Variants in ODAD1 observed in about 807,000 individuals in gnomAD.
ODAD1 encodes the protein outer dynein arm docking complex subunit 1, also known as outer dynein arm-docking complex subunit 1.
A neutral mutation model predicts 67.2 loss-of-function variants in ODAD1; 49 were observed. The ratio of observed to expected loss-of-function variants is 0.73; its 90% CI spans 0.58 to 0.92. ODAD1 has a LOEUF of 0.92. Among genes scored for constraint, ODAD1 ranks in the 40% least tolerant of loss-of-function variants. The pLI, the probability that ODAD1 is intolerant of heterozygous loss-of-function variation, is 0.00. For missense variants in ODAD1, 897 were observed against 953.7 expected (o/e 0.94, Z 0.78); for synonymous variants, 345 against 393.7 (o/e 0.88, Z 1.46).
chr19:48,306,949 A>G (rs4802466), intron 7 of ODAD1, among the ~76,000 whole-genome samples: 118,520 of 151,878 alleles, frequency 0.78, 47,163 homozygotes, highest in African/African-American at 0.94. Context: ...TTGGGAGGCC[A>G]AGACGGGAGG....
chr19:48,315,012 G>C (rs1968861527), intron 5 of ODAD1, among the ~76,000 whole-genome samples: 1 of 152,064 alleles, frequency 6.6e-6, no homozygotes, highest in Non-Finnish European at 1.5e-5. Flanking sequence ...AAGTGTACAA[G>C]GGATGTCTCT....
intron 12 of ODAD1, among the ~76,000 whole-genome samples, chr19:48,301,746 GAC>G: frequency 6.6e-6 from 1 of 152,086 alleles, no homozygotes; most frequent in African/African-American, 2.4e-5. Context: ...TGGATGGATG[GAC>G]ATGGGACAGT....
rs201246509 is a variant in ODAD1, at chr19:48,302,820, G to T, written c.1114C>A (p.Gln372Lys). 16 of 1,613,906 alleles carry T rather than the reference G, an allele frequency of 9.9e-6. No individual in the cohort carries two copies. The South Asian group carries it at 1.6e-4, about 17-fold the overall frequency. The change falls in exon 12 of 16, where the codon CAG becomes AAG. Residue 372 changes from glutamine to lysine, a missense_variant. Physicochemically the swap from Gln to Lys is moderately conservative, Grantham distance 53. Transcript: ENST00000674294. ...TGCTGCTGCTCCTGCAGCAAATGCT[G>T]GTCATCCTTGCTGGCACGTGCGCTC... is the stretch of plus-strand genomic sequence containing the variant. ...LVSARASKDD[Q>K]HLLQEQQQKV... is the part of the protein sequence containing the mutation.
rs753921661 is a variant in ODAD1 at position 48,302,791 on chromosome 19, C to T, written c.1143G>A (p.Lys381=). ...CCTTGTCCATGCGCTGCTGCAACACCTTCTGCTGCTGCTCCTGCAGCAAAT... is the reference window on the plus strand; with the variant it reads ...CCTTGTCCATGCGCTGCTGCAACACTTTCTGCTGCTGCTCCTGCAGCAAAT... ...DQHLLQEQQQ[K]VLQQRMDKVH... The change falls in exon 12 of 16, where the codon AAG becomes AAA. Residue 381 remains lysine, a synonymous_variant. Coordinates refer to ENST00000674294, the MANE Select transcript of ODAD1 (RefSeq NM_001364171.2). The T allele has an allele frequency of 2.1e-5, 34 of 1,614,046 alleles. 3 individuals are homozygous for T. In the South Asian group the frequency reaches 3.5e-4, roughly 17 times the overall value.
intron 12 of ODAD1, among the ~76,000 whole-genome samples, chr19:48,302,032 T>C (rs572530349): frequency 1.4e-5 from 2 of 139,002 alleles, no homozygotes; most frequent in East Asian, 4.5e-4. Context: ...AGATCCTGGA[T>C]GAATGATGGA....
In ODAD1 at chr19:48,303,861, AG is replaced by A. The variant is rs1055256202; in HGVS notation, c.854-78del. 6 of 1,574,594 alleles carry A rather than the reference AG, an allele frequency of 3.8e-6. No individual in the cohort carries two copies. The African/African-American group carries it at 8.1e-5, about 21-fold the overall frequency. Reference sequence around the variant, plus strand: ...AGACCTCCTGGGTGAGGGGGAGCGAAGTGTGGTCCCACCTGGGGCACGAAGG... The same window carrying A: ...AGACCTCCTGGGTGAGGGGGAGCGAATGTGGTCCCACCTGGGGCACGAAGG... On this transcript the variant is annotated intron_variant, in intron 9 of 15. Coordinates refer to ENST00000674294, the MANE Select transcript of ODAD1 (RefSeq NM_001364171.2).
At chr19:48,305,292 A>G (rs1366994972) in intron 8 of ODAD1, among the ~76,000 whole-genome samples, 2 of 152,210 alleles carry the variant, frequency 1.3e-5, no homozygotes. Flanking sequence ...GTGTGCCTCT[A>G]TCTGAAGGTG....
At chr19:48,311,867 C>T in intron 6 of ODAD1, 127 bp downstream of exon 6, 2 of 950,894 alleles carry the variant, frequency 2.1e-6, no homozygotes, top group Non-Finnish European at 3.2e-6. Flanking sequence ...ACCTCCATCC[C>T]TCCAGAATCC....
Position 48,311,687 on chromosome 19 carries a change from GGAAGAGTGGGTCT to G in ODAD1, c.484-34_484-22del, listed in dbSNP as rs778019384. 1.6e-5 allele frequency: 22 copies of G among 1,409,696 alleles called. No individual in the cohort carries two copies. In the South Asian group the frequency reaches 2.7e-4, roughly 17 times the overall value. The allele number at this position is 1,409,696 out of a possible 1,614,324, so 87.3% of individuals were successfully genotyped here. On this transcript the variant is annotated intron_variant, in intron 6 of 15. Coordinates refer to ENST00000674294, the MANE Select transcript of ODAD1 (RefSeq NM_001364171.2). Reference sequence around the variant, plus strand: ...GTGACCTGGGAGTAGAAAGGTGGATGGAAGAGTGGGTCTGAAGCCAAGTCTGCCTGCCTCCTCC... The same window carrying G: ...GTGACCTGGGAGTAGAAAGGTGGATGGAAGCCAAGTCTGCCTGCCTCCTCC...
chr19:48,307,227 A>G (rs1968631896), intron 7 of ODAD1, among the ~76,000 whole-genome samples: 1 of 151,932 alleles, frequency 6.6e-6, no homozygotes, highest in Non-Finnish European at 1.5e-5. Context: ...GAAAGATGAA[A>G]TGAGGAATGC....
At chr19:48,319,091 C>T (rs995961056) in intron 3 of ODAD1, among the ~76,000 whole-genome samples, 1 of 152,022 alleles carries the variant, frequency 6.6e-6, no homozygotes, top group African/African-American at 2.4e-5. Flanking sequence ...CTTCTGGGAC[C>T]TGGGCACACC....
rs375058697 is a variant in ODAD1 at position 48,296,943 on chromosome 19, C to A, written c.*33G>T. 1.6e-5 allele frequency: 24 copies of A among 1,536,520 alleles called. No individual in the cohort carries two copies. The highest frequency in any genetic ancestry group is 2.8e-5 in the African/African-American group (2 of 72,232). On this transcript the variant is annotated 3_prime_UTR_variant, in exon 16 of 16. Coordinates refer to ENST00000674294, the MANE Select transcript of ODAD1 (RefSeq NM_001364171.2). ...ACACAAAAAAAGACCCCACAGAGAGCCAGGGCAGGGTGGGGGCTGCGTGCC... is the reference window on the plus strand; with the variant it reads ...ACACAAAAAAAGACCCCACAGAGAGACAGGGCAGGGTGGGGGCTGCGTGCC...
At chr19:48,303,165 C>T (rs886080122) in intron 10 of ODAD1, 70 bp from the exon 11 acceptor site, 7 of 1,196,712 alleles carry the variant, frequency 5.8e-6, no homozygotes. Context: ...AGAACAGAGA[C>T]AGAGAGGCAT....
chr19:48,304,244 G>C, intron 8 of ODAD1, 104 bp from the exon 9 acceptor site: 1 of 1,194,424 alleles, frequency 8.4e-7, no homozygotes. Context: ...GGGTGAGGTG[G>C]AGTCAGCTGG....
At chr19:48,298,958 C>A (rs1968383564) in intron 12 of ODAD1, among the ~76,000 whole-genome samples, 1 of 152,170 alleles carries the variant, frequency 6.6e-6, no homozygotes, top group Non-Finnish European at 1.5e-5. Flanking sequence ...CCCGAGGAGG[C>A]TCTCCAGCTC....
At chr19:48,298,431 C>T in intron 12 of ODAD1, 91 bp from the exon 13 acceptor site, 2 of 1,357,050 alleles carry the variant, frequency 1.5e-6, no homozygotes, top group South Asian at 2.6e-5. Context: ...CCCCATTCTA[C>T]AGAGACTGCG....
At chr19:48,302,087 G>A (rs918390883) in intron 12 of ODAD1, among the ~76,000 whole-genome samples, 1 of 149,976 alleles carries the variant, frequency 6.7e-6, no homozygotes, top group African/African-American at 2.5e-5. Context: ...TGGATGGATG[G>A]GTGGATGAAT....
rs773996867 is a variant in ODAD1 at position 48,297,585 on chromosome 19, C to T, written c.1581+5G>A. 6.0e-5 allele frequency: 93 copies of T among 1,557,318 alleles called. No homozygotes were observed. Among genetic ancestry groups the T allele is most frequent in the Middle Eastern group, 1.7e-4 (1 of 5,776 alleles). ...TGGCCCCACCCCCGCAGGCCCCACT[C>T]TCACCAGCTTCTCCACTTGGCTCAG... On this transcript the variant is annotated splice_donor_5th_base_variant and intron_variant, in intron 15 of 15. Transcript: ENST00000674294.
chr19:48,312,400 G>GTT (rs767432952), intron 5 of ODAD1, among the ~76,000 whole-genome samples: 5 of 120,808 alleles, frequency 4.1e-5, no homozygotes, highest in Admixed American at 1.9e-4. Flanking sequence ...ACTCCTTTCC[G>GTT]TTTTTTTTTT....
Sources: allele counts gnomAD v4.1 joint callset (sites outside exome capture counted in the v4.1 genomes callset), GRCh38; gene constraint gnomAD v4.1.1; transcripts MANE v1.5; gene names NCBI Gene and HGNC (gene_info 2026-07-23, HGNC 2026-07-21).